GUCY2C: variants seen among roughly 807,000 people sequenced by gnomAD.
GUCY2C encodes the protein guanylyl cyclase C.
Under a neutral mutation model 131.1 loss-of-function variants are expected in GUCY2C, and 118 were observed. That is an observed-to-expected ratio of 0.90 (90% CI 0.78 to 1.05). The LOEUF is 1.05. GUCY2C is among the 50% of genes least tolerant of loss of function. The pLI is 0.00. For missense variants in GUCY2C, 1,161 were observed against 1,304.4 expected, an observed-to-expected ratio of 0.89 and a Z score of 1.69; for synonymous variants, 452 against 457.8, an observed-to-expected ratio of 0.99 and a Z score of 0.16.
chr12:14,685,692 A>G (rs1948454645), intron 3 of GUCY2C, among the ~76,000 whole-genome samples: 1 of 152,156 alleles, frequency 6.6e-6, no homozygotes, highest in Non-Finnish European at 1.5e-5. Context: ...GGACTTTAAC[A>G]TGTCATTTAT....
rs1947357591 is a variant in GUCY2C at position 14,639,884 on chromosome 12, G to A, written c.2135C>T (p.Thr712Ile). ...CACTTCTAGCTCTTTTTCCTCTGCT[G>A]TTTCCAAGAATAAATCTGGGCGGAA... ...KPFRPDLFLE[T>I]AEEKELEVYL... is the part of the protein sequence containing the mutation. Residue 712 changes from threonine to isoleucine, a missense_variant, in exon 19 of 27, where the codon ACA (threonine) becomes ATA (isoleucine). Transcript: ENST00000261170. 1 of 1,606,112 alleles carries A rather than the reference G, an allele frequency of 6.2e-7. No individual in the cohort carries two copies. The highest frequency in any genetic ancestry group is 1.3e-5 in the African/African-American group (1 of 74,754).
At chr12:14,617,900 C>T (rs1946802934) in intron 24 of GUCY2C, among the ~76,000 whole-genome samples, 1 of 152,154 alleles carries the variant, frequency 6.6e-6, no homozygotes, top group African/African-American at 2.4e-5. Flanking sequence ...GAATGATTAA[C>T]ATAATTTCAA....
intron 10 of GUCY2C, among the ~76,000 whole-genome samples, chr12:14,663,360 G>A (rs1052647749): frequency 1.2e-4 from 18 of 152,164 alleles, no homozygotes; most frequent in Non-Finnish European, 2.1e-4. Flanking sequence ...TCGGCTCACC[G>A]CAACCTCCAC....
chr12:14,649,491 C>G (rs1947595904), intron 15 of GUCY2C, among the ~76,000 whole-genome samples: 1 of 152,014 alleles, frequency 6.6e-6, no homozygotes, highest in African/African-American at 2.4e-5. Flanking sequence ...AAACTAAAAT[C>G]TATAGTTGTG....
At chr12:14,667,006 A>G (rs1947995355) in intron 10 of GUCY2C, among the ~76,000 whole-genome samples, 1 of 152,158 alleles carries the variant, frequency 6.6e-6, no homozygotes, top group Admixed American at 6.5e-5. Flanking sequence ...CTTTAGGAAC[A>G]CTTTTACACT....
chr12:14,639,814 G>A (rs999929014), intron 19 of GUCY2C, 48 bp downstream of exon 19: 1 of 1,140,650 alleles, frequency 8.8e-7, no homozygotes, highest in Admixed American at 1.7e-5. Context: ...TACATTTATG[G>A]TAATTTTATA....
chr12:14,628,228 A>C (rs1947063412), intron 20 of GUCY2C, among the ~76,000 whole-genome samples: 1 of 152,156 alleles, frequency 6.6e-6, no homozygotes. Context: ...GACATGTCTT[A>C]AGTACCTAGG....
At chr12:14,656,094 G>T (rs139195098) in intron 12 of GUCY2C, among the ~76,000 whole-genome samples, 163 of 152,292 alleles carry the variant, frequency 1.1e-3, no homozygotes, top group African/African-American at 3.8e-3. Context: ...CCTGGTTGAA[G>T]GTAAATGTGA....
At chr12:14,642,211 T>G (rs372269093) in intron 17 of GUCY2C, among the ~76,000 whole-genome samples, 1 of 152,196 alleles carries the variant, frequency 6.6e-6, no homozygotes, top group African/African-American at 2.4e-5. Flanking sequence ...CTCCTGTCCC[T>G]GCCACTCCCT....
intron 24 of GUCY2C, among the ~76,000 whole-genome samples, chr12:14,617,751 T>C (rs964000421): frequency 3.3e-5 from 5 of 152,210 alleles, no homozygotes; most frequent in Admixed American, 1.3e-4. Context: ...TGTACCATGA[T>C]TGCTAAACGC....
intron 16 of GUCY2C, 129 bp from the exon 17 acceptor site, chr12:14,643,835 C>G: frequency 1.3e-6 from 1 of 774,590 alleles, no homozygotes; most frequent in South Asian, 1.7e-5. Flanking sequence ...TAATTTTAGT[C>G]CCACTATTTT....
intron 23 of GUCY2C, 148 bp downstream of exon 23, chr12:14,620,894 C>G: frequency 3.2e-6 from 2 of 622,680 alleles, no homozygotes; most frequent in East Asian, 2.8e-5. Context: ...TCTCAGGATG[C>G]ATAGTGGGAC....
chr12:14,637,882 A>G (rs574340252), intron 19 of GUCY2C, among the ~76,000 whole-genome samples: 1 of 152,222 alleles, frequency 6.6e-6, no homozygotes, highest in Non-Finnish European at 1.5e-5. Flanking sequence ...AAATGGGACT[A>G]TATTAGACTA....
At chr12:14,661,423 A>G (rs995659504) in intron 10 of GUCY2C, among the ~76,000 whole-genome samples, 3 of 152,116 alleles carry the variant, frequency 2.0e-5, no homozygotes, top group African/African-American at 7.2e-5. Context: ...AGAAGGGTTC[A>G]TAGAGGATGA....
chr12:14,616,489 T>C, intron 25 of GUCY2C, 144 bp downstream of exon 25: 1 of 645,366 alleles, frequency 1.5e-6, no homozygotes, highest in South Asian at 1.9e-5. Context: ...TGGTGGTCAT[T>C]TCTCTTGCAG....
Position 14,696,251 on chromosome 12 carries a change from TCTCA to T in GUCY2C, c.194_197del (p.Val65GlufsTer9), listed in dbSNP as rs915647221. The T allele has an allele frequency of 6.2e-7, 1 of 1,613,670 alleles. No homozygotes were observed. Among genetic ancestry groups the T allele is most frequent in the African/African-American group, 1.3e-5 (1 of 74,916 alleles). On this transcript the variant is annotated frameshift_variant, in exon 1 of 27. Coordinates refer to ENST00000261170, the MANE Select transcript of GUCY2C (RefSeq NM_004963.4). LOFTEE classifies it high-confidence loss of function. ...TCTTACCAGCATTTTGCAGACGTCC[TCTCA>T]CTATTTCCAGCCCCTCATTCACCGC...
intron 19 of GUCY2C, among the ~76,000 whole-genome samples, chr12:14,633,744 TGAA>T (rs1157906337): frequency 1.3e-5 from 2 of 151,828 alleles, no homozygotes; most frequent in Non-Finnish European, 2.9e-5. Context: ...ACTCTGGAAC[TGAA>T]GAAGTCATTC....
intron 10 of GUCY2C, among the ~76,000 whole-genome samples, chr12:14,664,270 A>G (rs1230926775): frequency 1.3e-5 from 2 of 152,138 alleles, no homozygotes; most frequent in African/African-American, 4.8e-5. Context: ...TATCACCACT[A>G]TTGCCACTCC....
chr12:14,683,311 C>T, intron 3 of GUCY2C, 54 bp from the exon 4 acceptor site: 1 of 1,046,440 alleles, frequency 9.6e-7, no homozygotes, highest in Non-Finnish European at 1.5e-6. Flanking sequence ...TTAAGTAGCA[C>T]AAATAAGATC....
Sources: allele counts gnomAD v4.1 joint callset (sites outside exome capture counted in the v4.1 genomes callset), GRCh38; gene constraint gnomAD v4.1.1; transcripts MANE v1.5; gene names NCBI Gene and HGNC (gene_info 2026-07-23, HGNC 2026-07-21).